The following APBB1IP variants were observed in gnomAD, a reference collection of about 807,000 sequenced individuals.
APBB1IP encodes the protein amyloid beta precursor protein binding family B member 1 interacting protein, also known as amyloid beta A4 precursor protein-binding family B member 1-interacting protein.
Under a neutral mutation model 64.9 loss-of-function variants are expected in APBB1IP, and 27 were observed. The observed-to-expected ratio is 0.42, with a 90% CI of 0.31 to 0.57. APBB1IP has a LOEUF of 0.57. Among genes scored for constraint, APBB1IP ranks in the 20% least tolerant of loss-of-function variants. APBB1IP has a pLI of 0.20. For missense variants in APBB1IP, 812 were observed against 845.5 expected (o/e 0.96, Z 0.49); for synonymous variants, 392 against 331.0 (o/e 1.18, Z -2.00).
At chr10:26,515,102 T>G (rs547948440) in intron 8 of APBB1IP, among the ~76,000 whole-genome samples, 2 of 151,580 alleles carry the variant, frequency 1.3e-5, no homozygotes, top group Admixed American at 1.3e-4. Flanking sequence ...AGGGTGATCT[T>G]GATCTCCTGA....
At chr10:26,487,470 A>C (rs1835906320) in intron 2 of APBB1IP, among the ~76,000 whole-genome samples, 1 of 152,190 alleles carries the variant, frequency 6.6e-6, no homozygotes. Context: ...CCGTGGGTGC[A>C]ACTGTGATCC....
chr10:26,528,175 C>A (rs1277210523), intron 8 of APBB1IP, among the ~76,000 whole-genome samples: 3 of 152,172 alleles, frequency 2.0e-5, no homozygotes, highest in African/African-American at 4.8e-5. Context: ...CCAAACCCAA[C>A]GTAAGTGAAG....
In APBB1IP at chr10:26,567,421, G is replaced by A; in HGVS notation, c.1934G>A (p.Gly645Asp). 6.2e-7 allele frequency: 1 copy of A among 1,606,902 alleles called. No individual in the cohort carries two copies. Among genetic ancestry groups the A allele is most frequent in the Non-Finnish European group, 8.5e-7 (1 of 1,175,418 alleles). Residue 645 changes from glycine (G) to aspartate (D), a missense_variant, in exon 15 of 15, where the codon GGC (glycine) becomes GAC (aspartate). Physicochemically the swap from Gly to Asp is moderately conservative, Grantham distance 94. This residue lies in a region of APBB1IP where 381 missense variants were observed against 352.1 expected (regional missense o/e 1.08). Transcript: ENST00000376236. Reference protein sequence around the residue: ...ENPGHPGGAGGGEQDFMSDLM... With the variant: ...ENPGHPGGAGDGEQDFMSDLM... ...CCAGGGCACCCCGGCGGAGCAGGAGGCGGGGAGCAAGATTTCATGTCAGAC... is the reference window on the plus strand; with the variant it reads ...CCAGGGCACCCCGGCGGAGCAGGAGACGGGGAGCAAGATTTCATGTCAGAC...
At chr10:26,490,366 T>C (rs1325947510) in intron 2 of APBB1IP, among the ~76,000 whole-genome samples, 2 of 152,200 alleles carry the variant, frequency 1.3e-5, no homozygotes, top group African/African-American at 2.4e-5. Context: ...GGCTCACACC[T>C]GTAATCCCAG....
At position 26,560,775 on chromosome 10, in the gene APBB1IP, G is replaced by T; in HGVS notation, c.1300G>T (p.Ala434Ser). Residue 434 changes from alanine (A) to serine (S), a missense_variant, in exon 13 of 15, where the codon GCT becomes TCT. Transcript: ENST00000376236. ...YDNYQRAVAK[A>S]GLASRWTNLG... is the part of the protein sequence containing the mutation. ...TAACTACCAGCGGGCTGTGGCAAAG[G>T]CTGGACTTGCCTCTCGGTGGACAAA... The T allele has an allele frequency of 6.2e-7, 1 of 1,607,862 alleles. No homozygotes were observed. The highest frequency in any genetic ancestry group is 1.1e-5 in the South Asian group (1 of 90,608).
At chr10:26,535,189 T>C (rs930525085) in intron 9 of APBB1IP, among the ~76,000 whole-genome samples, 4 of 152,286 alleles carry the variant, frequency 2.6e-5, no homozygotes, top group South Asian at 2.1e-4. Flanking sequence ...TTTAAAAATC[T>C]ACAACTAGAA....
At chr10:26,500,128 T>C (rs1466158020) in intron 4 of APBB1IP, among the ~76,000 whole-genome samples, 2 of 151,596 alleles carry the variant, frequency 1.3e-5, no homozygotes, top group Non-Finnish European at 2.9e-5. Context: ...GGAGGATTGC[T>C]TGAGCCTGGG....
At chr10:26,560,081 T>G (rs1836947689) in intron 11 of APBB1IP, 24 bp from the exon 12 acceptor site, 1 of 1,593,174 alleles carries the variant, frequency 6.3e-7, no homozygotes, top group Non-Finnish European at 8.6e-7. Context: ...GTGAATACAT[T>G]GTCTCGAAAC....
intron 11 of APBB1IP, among the ~76,000 whole-genome samples, chr10:26,546,430 T>G (rs1174468128): frequency 6.6e-6 from 1 of 152,216 alleles, no homozygotes; most frequent in East Asian, 1.9e-4. Flanking sequence ...TTTATTCATT[T>G]ATTTTTTAAT....
chr10:26,518,468 A>G (rs1476977420), intron 8 of APBB1IP, among the ~76,000 whole-genome samples: 2 of 152,060 alleles, frequency 1.3e-5, no homozygotes, highest in African/African-American at 4.8e-5. Flanking sequence ...GGCTGGTAAT[A>G]TGTTTAGTTA....
At chr10:26,479,866 A>G (rs1835815443) in intron 2 of APBB1IP, among the ~76,000 whole-genome samples, 1 of 152,220 alleles carries the variant, frequency 6.6e-6, no homozygotes, top group Non-Finnish European at 1.5e-5. Flanking sequence ...CTAGATGGTA[A>G]TGCCTCCTCT....
intron 8 of APBB1IP, among the ~76,000 whole-genome samples, chr10:26,524,270 C>G (rs1206462652): frequency 1.3e-5 from 2 of 152,116 alleles, no homozygotes; most frequent in African/African-American, 4.8e-5. Context: ...CTGCCCCATA[C>G]CCGGGGGGTA....
chr10:26,549,901 GTTC>G (rs1327345616), intron 11 of APBB1IP, among the ~76,000 whole-genome samples: 1 of 151,544 alleles, frequency 6.6e-6, no homozygotes, highest in Non-Finnish European at 1.5e-5. Context: ...GGTTTAGTTT[GTTC>G]TTATTTTTTC....
rs1395262822 is a variant in APBB1IP, at chr10:26,492,299, C to G, written c.1-28C>G. ...CTAGGATCAGGCTTTTATGAGACTG[C>G]TAATATCTCAGTTTCTTCCTTTTTC... On this transcript the variant is annotated intron_variant, in intron 2 of 14. Coordinates refer to ENST00000376236, the MANE Select transcript of APBB1IP (RefSeq NM_019043.4). The G allele has an allele frequency of 8.7e-6, 14 of 1,602,330 alleles. No individual in the cohort carries two copies. In the Admixed American group the frequency reaches 2.3e-4, roughly 27 times the overall value.
intron 2 of APBB1IP, among the ~76,000 whole-genome samples, chr10:26,461,239 A>G (rs1464756443): frequency 1.3e-5 from 2 of 152,104 alleles, no homozygotes; most frequent in East Asian, 3.9e-4. Context: ...TTCTTATATG[A>G]CTTATAATTT....
chr10:26,441,981 G>T (rs142648902), intron 2 of APBB1IP, among the ~76,000 whole-genome samples: 1 of 152,166 alleles, frequency 6.6e-6, no homozygotes, highest in Non-Finnish European at 1.5e-5. Flanking sequence ...AGAAACTTAC[G>T]CAGGAAGTAA....
At chr10:26,442,304 A>T (rs951362175) in intron 2 of APBB1IP, among the ~76,000 whole-genome samples, 9 of 152,240 alleles carry the variant, frequency 5.9e-5, no homozygotes, top group Non-Finnish European at 1.2e-4. Context: ...TTGAAAAAAG[A>T]ATCTGCTTTG....
intron 8 of APBB1IP, among the ~76,000 whole-genome samples, chr10:26,530,253 G>A (rs1206193133): frequency 7.2e-6 from 1 of 138,474 alleles, no homozygotes; most frequent in Non-Finnish European, 1.5e-5. Flanking sequence ...TTTGAGACGA[G>A]GCCCCCACTG....
At chr10:26,470,142 A>G (rs542176062) in intron 2 of APBB1IP, among the ~76,000 whole-genome samples, 103 of 152,354 alleles carry the variant, frequency 6.8e-4, no homozygotes, top group African/African-American at 2.4e-3. Flanking sequence ...AGCAACACAC[A>G]TTTAGTAGAA....
Sources: allele counts gnomAD v4.1 joint callset (sites outside exome capture counted in the v4.1 genomes callset), GRCh38; gene constraint gnomAD v4.1.1; regional missense constraint gnomAD v4.1.1; transcripts MANE v1.5; gene names NCBI Gene and HGNC (gene_info 2026-07-23, HGNC 2026-07-21).